The following PDE4D variants were observed in gnomAD, a reference collection of about 807,000 sequenced individuals.
The protein encoded by PDE4D is phosphodiesterase 4D.
Under a neutral mutation model 87.4 loss-of-function variants are expected in PDE4D, and 24 were observed. That is an observed-to-expected ratio of 0.27 (90% CI 0.20 to 0.39). The LOEUF is 0.39. Ranked by LOEUF, PDE4D falls within the 10% of genes least tolerant of loss-of-function variation. PDE4D has a pLI of 1.00. For missense variants in PDE4D, 714 were observed against 1,041.0 expected (o/e 0.69, Z 4.32); for synonymous variants, 384 against 383.2 (o/e 1.00, Z -0.02).
At chr5:59,642,464 G>A (rs528882292) in intron 1 of PDE4D, among the ~76,000 whole-genome samples, 15 of 152,146 alleles carry the variant, frequency 9.9e-5, no homozygotes, top group African/African-American at 3.1e-4. Flanking sequence ...GGGGACACCC[G>A]GTGGGAGATA....
chr5:59,366,988 C>T (rs1028713120), intron 1 of PDE4D, among the ~76,000 whole-genome samples: 4 of 152,128 alleles, frequency 2.6e-5, no homozygotes, highest in Non-Finnish European at 4.4e-5. Flanking sequence ...TGGAGTTGTA[C>T]GCTTACAAAG....
At chr5:59,141,143 C>A (rs903740343) in intron 5 of PDE4D, among the ~76,000 whole-genome samples, 5 of 152,152 alleles carry the variant, frequency 3.3e-5, no homozygotes, top group African/African-American at 1.2e-4. Context: ...TAACAAAATG[C>A]ATTTCCTACA....
intron 1 of PDE4D, among the ~76,000 whole-genome samples, chr5:59,473,371 G>A (rs1372221467): frequency 1.3e-5 from 2 of 152,052 alleles, no homozygotes; most frequent in South Asian, 2.1e-4. Flanking sequence ...CAATTCACCT[G>A]GGAATTTTAA....
At chr5:59,256,147 T>C (rs548999492) in intron 1 of PDE4D, among the ~76,000 whole-genome samples, 10 of 152,222 alleles carry the variant, frequency 6.6e-5, no homozygotes, top group African/African-American at 2.4e-4. Context: ...TGTTGACAAG[T>C]ATAGTAGCTG....
At chr5:59,331,739 G>C (rs1776764147) in intron 1 of PDE4D, among the ~76,000 whole-genome samples, 1 of 152,160 alleles carries the variant, frequency 6.6e-6, no homozygotes. Flanking sequence ...TTAAATTTAT[G>C]TTTTCAAGTT....
intron 2 of PDE4D, among the ~76,000 whole-genome samples, chr5:59,213,033 G>C (rs577373794): frequency 1.3e-5 from 2 of 150,660 alleles, no homozygotes; most frequent in South Asian, 2.1e-4. Context: ...AAAATGTTTA[G>C]AGAACTCATG....
At chr5:59,836,568 C>G (rs1444510345) in intron 1 of PDE4D, among the ~76,000 whole-genome samples, 1 of 151,866 alleles carries the variant, frequency 6.6e-6, no homozygotes, top group Non-Finnish European at 1.5e-5. Context: ...TGCCCTGCAG[C>G]CATTTTGAGG....
chr5:60,452,342 G>T (rs1746160490), intron 1 of PDE4D, among the ~76,000 whole-genome samples: 3 of 152,066 alleles, frequency 2.0e-5, no homozygotes, highest in Admixed American at 2.0e-4. Flanking sequence ...TTGGGAAAAG[G>T]TTGGACTGCA....
At chr5:60,039,212 A>T (rs1352973652) in intron 2 of PDE4D, among the ~76,000 whole-genome samples, 1 of 152,230 alleles carries the variant, frequency 6.6e-6, no homozygotes, top group Non-Finnish European at 1.5e-5. Flanking sequence ...GATAGACTGG[A>T]TTAAGAAAAT....
At chr5:60,316,268 A>G (rs1164268748) in intron 1 of PDE4D, among the ~76,000 whole-genome samples, 1 of 152,136 alleles carries the variant, frequency 6.6e-6, no homozygotes, top group South Asian at 2.1e-4. Flanking sequence ...GAGTTCACTC[A>G]TGATTTGGCT....
intron 5 of PDE4D, chr5:59,039,287 A>G: frequency 9.1e-7 from 1 of 1,097,010 alleles, no homozygotes; most frequent in South Asian, 2.7e-5. Flanking sequence ...CGACTTTTCA[A>G]CTGTGCGGCG....
chr5:60,348,022 C>T (rs1366396981), intron 1 of PDE4D, among the ~76,000 whole-genome samples: 4 of 152,126 alleles, frequency 2.6e-5, no homozygotes, highest in South Asian at 2.1e-4. Context: ...AATTATTGCC[C>T]GCCTACTTTG....
At chr5:59,273,155 C>G (rs1764153919) in intron 1 of PDE4D, among the ~76,000 whole-genome samples, 1 of 152,132 alleles carries the variant, frequency 6.6e-6, no homozygotes, top group Non-Finnish European at 1.5e-5. Context: ...TTTTAGGTCT[C>G]TCTCATGGGA....
At chr5:59,638,177 TA>T (rs1740919102) in intron 1 of PDE4D, among the ~76,000 whole-genome samples, 2 of 152,302 alleles carry the variant, frequency 1.3e-5, no homozygotes, top group African/African-American at 4.8e-5. Flanking sequence ...CAGTTGGGTT[TA>T]TTTTTTTCTG....
intron 1 of PDE4D, among the ~76,000 whole-genome samples, chr5:59,360,424 T>C (rs1782027523): frequency 6.6e-6 from 1 of 152,148 alleles, no homozygotes; most frequent in African/African-American, 2.4e-5. Flanking sequence ...CAGAAGTTAA[T>C]GTGGAAGCAA....
chr5:60,105,940 C>T (rs1183772497), intron 2 of PDE4D, among the ~76,000 whole-genome samples: 1 of 152,196 alleles, frequency 6.6e-6, no homozygotes, highest in Non-Finnish European at 1.5e-5. Context: ...TAGGAAGAGA[C>T]CGCATCAACT....
intron 1 of PDE4D, among the ~76,000 whole-genome samples, chr5:59,365,191 G>A (rs753019557): frequency 2.0e-5 from 3 of 152,188 alleles, no homozygotes; most frequent in Non-Finnish European, 2.9e-5. Flanking sequence ...CAGGTATGAA[G>A]CTCATGCCTG....
chr5:59,836,560 C>T (rs1185006060), intron 1 of PDE4D, among the ~76,000 whole-genome samples: 1 of 151,872 alleles, frequency 6.6e-6, no homozygotes, highest in Non-Finnish European at 1.5e-5. Context: ...TCTTACCTTG[C>T]CCTGCAGCCA....
chr5:59,655,485 C>T (rs1415083822), intron 1 of PDE4D, among the ~76,000 whole-genome samples: 1 of 152,066 alleles, frequency 6.6e-6, no homozygotes, highest in Non-Finnish European at 1.5e-5. Context: ...TAAAAATATG[C>T]AATATTTTAC....
Sources: allele counts gnomAD v4.1 joint callset (sites outside exome capture counted in the v4.1 genomes callset), GRCh38; gene constraint gnomAD v4.1.1; transcripts MANE v1.5; gene names NCBI Gene and HGNC (gene_info 2026-07-23, HGNC 2026-07-21).